Variants in COL6A6 observed in about 807,000 individuals in gnomAD.
COL6A6 encodes the protein collagen alpha-6(VI) chain.
COL6A6 carries 183 observed loss-of-function variants against 208.6 expected under a neutral mutation model. The observed-to-expected ratio is 0.88, with a 90% CI of 0.78 to 0.99. The LOEUF is 0.99. Among genes scored for constraint, COL6A6 ranks in the 50% least tolerant of loss-of-function variants. The pLI, the probability that COL6A6 is intolerant of heterozygous loss-of-function variation, is 0.00. For synonymous variants in COL6A6, 973 were observed against 1,011.8 expected (o/e 0.96, Z 0.73); for missense variants, 2,816 against 2,815.2 (o/e 1.00, Z -0.01).
rs962523526 is a variant in COL6A6, at chr3:130,601,204, C to G, written c.4653+1394C>G. On this transcript the variant is annotated intron_variant, in intron 20 of 36. Coordinates refer to ENST00000358511, the MANE Select transcript of COL6A6 (RefSeq NM_001102608.3). Reference sequence around the variant, plus strand: ...ATCCAGCCTTCAATTTCCCCCACCCCCTCCCAAATAGAAAAATGTTTTAAA... The same window carrying G: ...ATCCAGCCTTCAATTTCCCCCACCCGCTCCCAAATAGAAAAATGTTTTAAA... Among the ~76,000 whole-genome samples the G allele has an allele frequency of 7.9e-5, 12 of 152,096 alleles. 1 individual carries two copies. The highest frequency in any genetic ancestry group is 4.2e-4 in the South Asian group (2 of 4,802).
At chr3:130,588,917 CAAAAAAA>C (rs58377635) in intron 11 of COL6A6, among the ~76,000 whole-genome samples, 166 bp from the exon 12 acceptor site, 12 of 68,262 alleles carry the variant, frequency 1.8e-4, no homozygotes, top group Admixed American at 4.9e-4. Context: ...AAGATGGAAG[CAAAAAAA>C]AAAAAAAAAA....
intron 36 of COL6A6, among the ~76,000 whole-genome samples, chr3:130,665,923 G>A (rs1019802474): frequency 2.6e-5 from 4 of 152,108 alleles, no homozygotes; most frequent in African/African-American, 7.2e-5. Context: ...GTGCCTTTAC[G>A]TGGTGAGATC....
At chr3:130,546,903 T>G in intron 1 of COL6A6, among the ~76,000 whole-genome samples, 1 of 59,168 alleles carries the variant, frequency 1.7e-5, no homozygotes, top group Non-Finnish European at 4.9e-5. Flanking sequence ...TTTACAAACC[T>G]TATGCTAGAC....
intron 24 of COL6A6, among the ~76,000 whole-genome samples, chr3:130,624,781 G>T (rs1008671362): frequency 1.3e-5 from 2 of 152,112 alleles, no homozygotes; most frequent in Admixed American, 6.5e-5. Context: ...GTGCCCCAAA[G>T]AAAACCCAAA....
chr3:130,535,631 G>A (rs2062205408), intron 1 of COL6A6, among the ~76,000 whole-genome samples: 2 of 152,020 alleles, frequency 1.3e-5, no homozygotes, highest in Non-Finnish European at 2.9e-5. Context: ...TGCACCTAAA[G>A]TGGTGAAAAT....
intron 20 of COL6A6, among the ~76,000 whole-genome samples, chr3:130,606,391 T>A (rs2064184228): frequency 6.6e-6 from 1 of 152,184 alleles, no homozygotes; most frequent in African/African-American, 2.4e-5. Context: ...GATAATTCTT[T>A]CATTTTTCTC....
chr3:130,586,290 T>C (rs567947095), intron 10 of COL6A6, among the ~76,000 whole-genome samples: 1 of 152,350 alleles, frequency 6.6e-6, no homozygotes, highest in South Asian at 2.1e-4. Flanking sequence ...TTTCCCTGTC[T>C]CCAATTTATT....
At chr3:130,667,017 C>G (rs914999587) in intron 36 of COL6A6, among the ~76,000 whole-genome samples, 2 of 152,046 alleles carry the variant, frequency 1.3e-5, no homozygotes, top group Non-Finnish European at 2.9e-5. Flanking sequence ...AACCACAAAA[C>G]TATTGAATAA....
At chr3:130,538,773 T>C (rs147168180) in intron 1 of COL6A6, among the ~76,000 whole-genome samples, 1 of 152,300 alleles carries the variant, frequency 6.6e-6, no homozygotes, top group East Asian at 1.9e-4. Context: ...CCAAGTCATT[T>C]TCAGTGGAGT....
Position 130,568,245 on chromosome 3 carries a change from C to T in COL6A6, c.2042C>T (p.Ser681Phe), listed in dbSNP as rs1395729327. The stretch of plus-strand genomic sequence containing the variant: ...GAGTTTCAGCTCAACAGATTCATGT[C>T]CCAAAGCGACATTTCAAATGCAATA... Reference protein sequence around the residue: ...KEEFQLNRFMSQSDISNAIDQ... With the variant: ...KEEFQLNRFMFQSDISNAIDQ... Residue 681 changes from serine (S) to phenylalanine (F), a missense_variant, in exon 6 of 37, where the codon TCC (serine) becomes TTC (phenylalanine). Coordinates refer to ENST00000358511, the MANE Select transcript of COL6A6 (RefSeq NM_001102608.3). The T allele has an allele frequency of 8.7e-6, 14 of 1,613,870 alleles. No individual in the cohort carries two copies. Among genetic ancestry groups the T allele is most frequent in the Middle Eastern group, 3.3e-4 (2 of 6,084 alleles).
chr3:130,614,421 T>C (rs951744010), intron 23 of COL6A6, among the ~76,000 whole-genome samples: 8 of 152,218 alleles, frequency 5.3e-5, no homozygotes, highest in African/African-American at 1.9e-4. Context: ...TAGTATTTTG[T>C]TGATGATTTT....
chr3:130,634,661 G>A, intron 27 of COL6A6, 36 bp downstream of exon 27: 1 of 1,519,808 alleles, frequency 6.6e-7, no homozygotes, highest in Non-Finnish European at 9.1e-7. Flanking sequence ...AGATCAGTCA[G>A]AAATACTCCT....
At chr3:130,622,780 C>A (rs1231729662) in intron 24 of COL6A6, among the ~76,000 whole-genome samples, 2 of 151,960 alleles carry the variant, frequency 1.3e-5, no homozygotes, top group Non-Finnish European at 2.9e-5. Context: ...TGGTGTGAAT[C>A]CGGGAGGCAG....
Position 130,567,279 on chromosome 3 carries a change from C to A in COL6A6, c.1843+17C>A. 6.4e-7 allele frequency: 1 copy of A among 1,572,490 alleles called. No homozygotes were observed. Among genetic ancestry groups the A allele is most frequent in the Non-Finnish European group, 8.7e-7 (1 of 1,155,494 alleles). On this transcript the variant is annotated intron_variant, in intron 5 of 36. Transcript: ENST00000358511. ...CTGAAGAAGGTAAGAGAAATCGTGG[C>A]TTTACCTACTGACCTTCACTCGCAA... is the stretch of plus-strand genomic sequence containing the variant.
At chr3:130,542,898 C>CTT (rs56339748) in intron 1 of COL6A6, among the ~76,000 whole-genome samples, 19 of 92,614 alleles carry the variant, frequency 2.1e-4, no homozygotes, top group Admixed American at 3.5e-4. Context: ...TCCATTCACT[C>CTT]TTTTTTTTTT....
intron 36 of COL6A6, among the ~76,000 whole-genome samples, chr3:130,673,228 A>AACCCAAAAAAC (rs1285936157): frequency 1.4e-5 from 2 of 147,680 alleles, no homozygotes; most frequent in Admixed American, 1.3e-4. Flanking sequence ...AAAAAAAAAA[A>AACCCAAAAAAC]ACAAAACCCA....
chr3:130,670,142 A>G (rs914178282), intron 36 of COL6A6, among the ~76,000 whole-genome samples: 1 of 152,226 alleles, frequency 6.6e-6, no homozygotes, highest in African/African-American at 2.4e-5. Flanking sequence ...TAATTCCTGA[A>G]GTCAAGCCTA....
At chr3:130,583,330 A>T (rs1295446136) in intron 10 of COL6A6, among the ~76,000 whole-genome samples, 2 of 152,126 alleles carry the variant, frequency 1.3e-5, no homozygotes, top group Non-Finnish European at 2.9e-5. Flanking sequence ...GTTTTAATTA[A>T]GACTGAAAAA....
chr3:130,572,186 G>A (rs550884468), intron 7 of COL6A6, among the ~76,000 whole-genome samples: 3 of 152,152 alleles, frequency 2.0e-5, no homozygotes, highest in Non-Finnish European at 4.4e-5. Flanking sequence ...CATTTAAAAT[G>A]TGAAGCCCAG....
Sources: allele counts gnomAD v4.1 joint callset (sites outside exome capture counted in the v4.1 genomes callset), GRCh38; gene constraint gnomAD v4.1.1; transcripts MANE v1.5; gene names NCBI Gene and HGNC (gene_info 2026-07-23, HGNC 2026-07-21).